The following CSMD3 variants were observed in gnomAD, a reference collection of about 807,000 sequenced individuals.
The protein encoded by CSMD3 is CUB and Sushi multiple domains 3.
Under a neutral mutation model 435.2 loss-of-function variants are expected in CSMD3, and 177 were observed. The ratio of observed to expected loss-of-function variants is 0.41; its 90% confidence interval spans 0.36 to 0.46. The LOEUF is 0.46. Ranked by LOEUF, CSMD3 falls within the 20% of genes least tolerant of loss-of-function variation. CSMD3 has a pLI of 0.34. For missense variants in CSMD3, 4,265 were observed against 4,504.6 expected, an observed-to-expected ratio of 0.95 and a Z score of 1.52; for synonymous variants, 1,656 against 1,520.5, an observed-to-expected ratio of 1.09 and a Z score of -2.07.
chr8:112,602,263 AG>A (rs1832417889), intron 22 of CSMD3, among the ~76,000 whole-genome samples: 2 of 152,198 alleles, frequency 1.3e-5, no homozygotes, highest in African/African-American at 4.8e-5. Flanking sequence ...GAACAAATAA[AG>A]GGTTAGGGGA....
At chr8:113,366,963 T>G (rs935360481) in intron 1 of CSMD3, among the ~76,000 whole-genome samples, 9 of 152,014 alleles carry the variant, frequency 5.9e-5, no homozygotes, top group Admixed American at 5.9e-4. Flanking sequence ...TGAAATTAGG[T>G]TATTCCCTTT....
chr8:112,477,135 A>G (rs1254307111), intron 31 of CSMD3, among the ~76,000 whole-genome samples: 1 of 152,198 alleles, frequency 6.6e-6, no homozygotes, highest in Non-Finnish European at 1.5e-5. Flanking sequence ...ATCTCAGAAA[A>G]AATTACTTAA....
Position 113,302,232 on chromosome 8 carries a change from AAT to A in CSMD3, c.401+12337_401+12338del, listed in dbSNP as rs202233221. ...CTCACCTGTATATATAATATAATATAATATATAATATAATATATATTATATAA... is the reference window on the plus strand; with the variant it reads ...CTCACCTGTATATATAATATAATATAATATAATATAATATATATTATATAA... On this transcript the variant is annotated intron_variant, in intron 2 of 70. Coordinates refer to ENST00000297405, the MANE Select transcript of CSMD3 (RefSeq NM_198123.2). Among the ~76,000 whole-genome samples, 124 of 20,414 alleles carry A rather than the reference AAT, an allele frequency of 6.1e-3. 1 individual carries two copies. The highest frequency in any genetic ancestry group is 0.041 in the East Asian group (16 of 386). 13.4% of individuals were successfully genotyped at this position (20,414 alleles called of 152,430 possible). A position where few individuals can be genotyped will look rare whatever the true frequency, so the allele number is the denominator to read the frequency against.
At chr8:112,938,406 C>T (rs2083350904) in intron 9 of CSMD3, among the ~76,000 whole-genome samples, 1 of 152,130 alleles carries the variant, frequency 6.6e-6, no homozygotes, top group Non-Finnish European at 1.5e-5. Context: ...AGATTTGTCT[C>T]TACATTTTTA....
chr8:112,467,531 T>C (rs1185494735), intron 32 of CSMD3, among the ~76,000 whole-genome samples: 4 of 151,674 alleles, frequency 2.6e-5, no homozygotes, highest in Non-Finnish European at 5.9e-5. Context: ...ATTATGTATA[T>C]ATATAGTTCA....
At position 112,488,463 on chromosome 8, in the gene CSMD3, CA is replaced by C. The variant is rs1289933966; in HGVS notation, c.5278+4025del. 1.2e-4 allele frequency among the ~76,000 whole-genome samples: 19 copies of C among 152,212 alleles called. 1 individual carries two copies. The highest frequency in any genetic ancestry group is 1.2e-3 in the Admixed American group (19 of 15,284). The stretch of plus-strand genomic sequence containing the variant: ...ATGATCATGTTGGTATTTGCTTCTA[CA>C]CTAAAAAAATAAAGAATAAACAAAG... On this transcript the variant is annotated intron_variant, in intron 31 of 70. Coordinates refer to ENST00000297405, the MANE Select transcript of CSMD3 (RefSeq NM_198123.2).
chr8:113,392,073 GTAC>G (rs1162829326), intron 1 of CSMD3, among the ~76,000 whole-genome samples: 2 of 151,948 alleles, frequency 1.3e-5, no homozygotes, highest in African/African-American at 4.8e-5. Flanking sequence ...GACAAAACCA[GTAC>G]TCAAAGTCTT....
At position 112,975,965 on chromosome 8, in the gene CSMD3, C is replaced by G. The variant is rs2130933270; in HGVS notation, c.1214G>C (p.Gly405Ala). 1.2e-6 allele frequency: 2 copies of G among 1,613,968 alleles called. No homozygotes were observed. The highest frequency in any genetic ancestry group is 1.7e-6 in the Non-Finnish European group (2 of 1,179,950). Residue 405 changes from glycine to alanine, a missense_variant, in exon 7 of 71, where the codon GGT becomes GCT. Physicochemically the swap from Gly to Ala is moderately conservative, Grantham distance 60. Coordinates refer to ENST00000297405, the MANE Select transcript of CSMD3 (RefSeq NM_198123.2). ...GTCCTTGGACGTGTTGGGGTCCAGA[C>G]CTGAATTTCTGAGACTCGTAACTTG... ...RVQVTSLRNS[G>A]LDPNTSKDGL...
intron 20 of CSMD3, among the ~76,000 whole-genome samples, chr8:112,642,911 T>G (rs2074873690): frequency 6.6e-6 from 1 of 152,196 alleles, no homozygotes; most frequent in South Asian, 2.1e-4. Context: ...AGTGTTACAC[T>G]GTGCCATGAT....
intron 22 of CSMD3, among the ~76,000 whole-genome samples, chr8:112,621,661 A>G (rs1834081367): frequency 6.6e-6 from 1 of 151,830 alleles, no homozygotes; most frequent in Non-Finnish European, 1.5e-5. Context: ...CTAGGACACC[A>G]TTTTTTTACT....
Position 112,255,306 on chromosome 8 carries a change from G to C in CSMD3, c.9984C>G (p.Thr3328=), listed in dbSNP as rs1403867663. The change falls in exon 62 of 71, where the codon ACC becomes ACG. Residue 3328 remains threonine (T), a synonymous_variant. Transcript: ENST00000297405. The part of the protein sequence containing the change: ...NFPFILVGSS[T]RICQADGTWS... ...AAGTGCCATCTGCTTGACATATTCT[G>C]GTGCTTGATCCCACTAATATGAAAG... 6.2e-7 allele frequency: 1 copy of C among 1,613,392 alleles called. No individual in the cohort carries two copies. Among genetic ancestry groups the C allele is most frequent in the Non-Finnish European group, 8.5e-7 (1 of 1,179,570 alleles).
chr8:112,243,414 C>G (rs181088256), intron 65 of CSMD3, among the ~76,000 whole-genome samples: 4 of 152,160 alleles, frequency 2.6e-5, no homozygotes, highest in Non-Finnish European at 5.9e-5. Context: ...ACCAAAAACA[C>G]TAGAAAAAGT....
intron 22 of CSMD3, among the ~76,000 whole-genome samples, chr8:112,609,134 G>A (rs530093692): frequency 6.5e-5 from 9 of 138,854 alleles, no homozygotes; most frequent in African/African-American, 1.6e-4. Context: ...CCTGGGAGGC[G>A]GAGGTTGCAG....
At chr8:113,383,678 A>G (rs139402151) in intron 1 of CSMD3, among the ~76,000 whole-genome samples, 11 of 152,278 alleles carry the variant, frequency 7.2e-5, no homozygotes, top group Admixed American at 2.0e-4. Context: ...TTTTCAGAAA[A>G]TTGGCTTCTG....
At chr8:112,538,156 T>C (rs1412856078) in intron 27 of CSMD3, among the ~76,000 whole-genome samples, 1 of 151,956 alleles carries the variant, frequency 6.6e-6, no homozygotes, top group Non-Finnish European at 1.5e-5. Context: ...CCCTTAATGA[T>C]AACAACTCTC....
intron 13 of CSMD3, among the ~76,000 whole-genome samples, chr8:112,751,709 C>T (rs774889173): frequency 6.6e-6 from 1 of 151,132 alleles, no homozygotes; most frequent in Non-Finnish European, 1.5e-5. Context: ...TTCTATCCTA[C>T]TTCACAGAGA....
intron 2 of CSMD3, among the ~76,000 whole-genome samples, chr8:113,294,124 C>G (rs991133695): frequency 6.6e-6 from 1 of 151,764 alleles, no homozygotes; most frequent in Non-Finnish European, 1.5e-5. Flanking sequence ...AATTACATTG[C>G]CAAATATATA....
intron 1 of CSMD3, among the ~76,000 whole-genome samples, chr8:113,355,310 G>T (rs2094215021): frequency 6.6e-6 from 1 of 151,754 alleles, no homozygotes; most frequent in South Asian, 2.1e-4. Flanking sequence ...TGGCTCACAG[G>T]TTTTCTTAGT....
At chr8:112,421,547 GAT>G (rs1389618939) in intron 32 of CSMD3, among the ~76,000 whole-genome samples, 8 of 61,990 alleles carry the variant, frequency 1.3e-4, no homozygotes, top group Middle Eastern at 7.1e-3. Context: ...CCCTGTAAAA[GAT>G]ATATATATAT....
Sources: gnomAD v4.1 joint callset for allele counts (sites outside exome capture counted in the v4.1 genomes callset) on GRCh38, gnomAD v4.1.1 for gene constraint, MANE v1.5 for transcripts, NCBI Gene and HGNC (gene_info 2026-07-23, HGNC 2026-07-21) for gene names.